JAG1: variants seen among roughly 807,000 people sequenced by gnomAD.
JAG1 encodes jagged canonical Notch ligand 1, also known as protein jagged-1.
Under a neutral mutation model 148.7 loss-of-function variants are expected in JAG1, and 23 were observed. The observed-to-expected ratio is 0.15, with a 90% CI of 0.11 to 0.22. JAG1 has a LOEUF of 0.22. Ranked by LOEUF, JAG1 falls within the 10% of genes least tolerant of loss-of-function variation. The pLI is 1.00. For missense variants in JAG1, 1,054 were observed against 1,611.2 expected (o/e 0.65, Z 5.92); for synonymous variants, 572 against 598.3 (o/e 0.96, Z 0.64).
In JAG1 at chr20:10,673,164, G is replaced by A; in HGVS notation, c.82-158C>T. The stretch of plus-strand genomic sequence containing the variant: ...GTTCAAGGACTCAACATGATTCCGG[G>A]GCAAAAAAAAAAAAAAATGCACGAG... On this transcript the variant is annotated intron_variant, in intron 1 of 25. Coordinates refer to ENST00000254958, the MANE Select transcript of JAG1 (RefSeq NM_000214.3). This position sits in a 1 kb window ranked among gnomAD's most constrained non-coding sequence, Gnocchi z 4.7. 1.6e-6 allele frequency: 1 copy of A among 619,814 alleles called. No homozygotes were observed. Among genetic ancestry groups the A allele is most frequent in the Admixed American group, 3.4e-5 (1 of 29,718 alleles). 38.4% of individuals were successfully genotyped at this position (619,814 alleles called of 1,614,324 possible).
intron 11 of JAG1, 44 bp from the exon 12 acceptor site, chr20:10,648,766 A>G (rs759607606): frequency 1.9e-6 from 3 of 1,581,074 alleles, no homozygotes; most frequent in Non-Finnish European, 2.6e-6. Flanking sequence ...CTTTTTTTCT[A>G]TGTATTCCAC....
chr20:10,640,032 C>T (rs1736185594), intron 25 of JAG1, 77 bp from the exon 26 acceptor site: 1 of 1,164,114 alleles, frequency 8.6e-7, no homozygotes, highest in Non-Finnish European at 1.3e-6. Flanking sequence ...AAAAGAATAC[C>T]AACAGTGGTT....
At position 10,645,047 on chromosome 20, in the gene JAG1, C is replaced by T. The variant is rs371437476; in HGVS notation, c.2228-68G>A. ...AGAAACAGTCTGGAGGGGCAAGAAC[C>T]AGGCCCAGAGAAATATCATAAGCTC... On this transcript the variant is annotated intron_variant, in intron 17 of 25. Coordinates refer to ENST00000254958, the MANE Select transcript of JAG1 (RefSeq NM_000214.3). This position sits in a 1 kb window ranked among gnomAD's most constrained non-coding sequence, Gnocchi z 6.1. The T allele has an allele frequency of 3.3e-4, 498 of 1,526,912 alleles. 2 individuals carry two copies. Among genetic ancestry groups the T allele is most frequent in the Middle Eastern group, 2.5e-3 (15 of 5,910 alleles). The allele number at this position is 1,526,912 out of a possible 1,614,324, so 94.6% of individuals were successfully genotyped here.
At chr20:10,659,961 C>T (rs2067405271) in intron 3 of JAG1, among the ~76,000 whole-genome samples, 2 of 152,136 alleles carry the variant, frequency 1.3e-5, no homozygotes, top group Admixed American at 6.5e-5. Flanking sequence ...AAATCAGCAC[C>T]CCAACCTGGT....
chr20:10,646,895 C>A, intron 14 of JAG1, 44 bp downstream of exon 14: 2 of 1,593,074 alleles, frequency 1.3e-6, no homozygotes, highest in Non-Finnish European at 1.7e-6. Flanking sequence ...GGGGCAGGGG[C>A]AGGCTGGGGA....
At chr20:10,650,069 C>G (rs1165954534) in intron 9 of JAG1, among the ~76,000 whole-genome samples, 178 bp downstream of exon 9, 1 of 152,238 alleles carries the variant, frequency 6.6e-6, no homozygotes, top group East Asian at 1.9e-4. Context: ...CCTAAAAGAG[C>G]TAGTCCATTT....
Position 10,639,251 on chromosome 20 carries a change from G to T in JAG1, c.*247C>A. On this transcript the variant is annotated 3_prime_UTR_variant, in exon 26 of 26. Transcript: ENST00000254958. The stretch of plus-strand genomic sequence containing the variant: ...GCTCCTGGGAGCCTGATCCGAGACC[G>T]TGTCGGCTGCAAGGGGACACACAAC... 1 of 541,602 alleles carries T rather than the reference G, an allele frequency of 1.8e-6. No individual in the cohort carries two copies. The highest frequency in any genetic ancestry group is 1.9e-5 in the South Asian group (1 of 52,244). The allele number at this position is 541,602 out of a possible 1,614,324, so 33.5% of individuals were successfully genotyped here.
intron 13 of JAG1, chr20:10,647,432 T>C (rs1490495436): frequency 4.6e-6 from 2 of 431,880 alleles, no homozygotes; most frequent in East Asian, 1.0e-4. Flanking sequence ...ATTTACTTCC[T>C]TTTTGATCTT....
Position 10,645,605 on chromosome 20 carries a change from A to G in JAG1, c.2000-136T>C. 1 of 766,342 alleles carries G rather than the reference A, an allele frequency of 1.3e-6. No individual in the cohort carries two copies. The highest frequency in any genetic ancestry group is 2.3e-6 in the Non-Finnish European group (1 of 443,602). 47.5% of individuals were successfully genotyped at this position (766,342 alleles called of 1,614,324 possible). A position where few individuals can be genotyped will look rare whatever the true frequency, so the allele number is the denominator to read the frequency against. ...GCCACAGTCGTAGTACTTTAACACAATCAGGCTTTTCCAGGAATAAAGGAG... is the reference window on the plus strand; with the variant it reads ...GCCACAGTCGTAGTACTTTAACACAGTCAGGCTTTTCCAGGAATAAAGGAG... On this transcript the variant is annotated intron_variant, in intron 15 of 25. Transcript: ENST00000254958. The surrounding 1 kb of genome is among the most constrained non-coding windows in gnomAD (Gnocchi z 6.1).
chr20:10,644,506 A>T, intron 18 of JAG1, 122 bp from the exon 19 acceptor site: 1 of 793,782 alleles, frequency 1.3e-6, no homozygotes, highest in Non-Finnish European at 2.2e-6. Context: ...ACACCAGCAA[A>T]ATACCTTTGC....
chr20:10,648,855 A>G (rs2067326441), intron 11 of JAG1, 133 bp from the exon 12 acceptor site: 2 of 1,005,722 alleles, frequency 2.0e-6, no homozygotes, highest in African/African-American at 3.2e-5. Flanking sequence ...TAAACCTCTG[A>G]AAGTGGTTAG....
Position 10,657,285 on chromosome 20 carries a change from A to G in JAG1, c.695-827T>C, listed in dbSNP as rs557022077. ...TGAGGCAGGAGGATCACTTGAACCC[A>G]GGAGTTCAAGGCTCCAGTGAGCCAT... On this transcript the variant is annotated intron_variant, in intron 4 of 25. Transcript: ENST00000254958. 4.6e-5 allele frequency among the ~76,000 whole-genome samples: 7 copies of G among 151,708 alleles called. No homozygotes were observed. The South Asian group carries it at 1.3e-3, about 27-fold the overall frequency.
chr20:10,650,284 C>T lies in JAG1; in HGVS notation c.1197G>A (p.Val399=), dbSNP rs775801187. The change falls in exon 9 of 26, where the codon GTG becomes GTA. Residue 399 remains valine, a synonymous_variant. Coordinates refer to ENST00000254958, the MANE Select transcript of JAG1 (RefSeq NM_000214.3). ...TTTTCCCAGTCCACTGTGGGGGGCA[C>T]ACACACTTAAATCCGTTAACCAGGT... The part of the protein sequence containing the change: ...CQDLVNGFKC[V]CPPQWTGKTC... The T allele has an allele frequency of 6.2e-7, 1 of 1,614,030 alleles. No individual in the cohort carries two copies. Among genetic ancestry groups the T allele is most frequent in the South Asian group, 1.1e-5 (1 of 91,038 alleles).
chr20:10,662,227 GGATTT>G (rs1331786940), intron 3 of JAG1: 4 of 152,052 alleles, frequency 2.6e-5, no homozygotes, highest in Non-Finnish European at 5.9e-5. Context: ...CCTCTTCCAG[GGATTT>G]GATTACCCCC....
chr20:10,644,670 G>C (rs540408295), intron 18 of JAG1, 193 bp downstream of exon 18: 2 of 650,562 alleles, frequency 3.1e-6, no homozygotes, highest in African/African-American at 3.6e-5. Flanking sequence ...GACGCCATCT[G>C]TCTCCACTTA....
chr20:10,671,885 AG>A (rs1261597625), intron 2 of JAG1, among the ~76,000 whole-genome samples: 4 of 151,882 alleles, frequency 2.6e-5, no homozygotes, highest in African/African-American at 4.8e-5. Context: ...TTACACCCTC[AG>A]GCACTACCTC....
At chr20:10,662,767 C>T (rs780532099) in intron 3 of JAG1, among the ~76,000 whole-genome samples, 2 of 152,172 alleles carry the variant, frequency 1.3e-5, no homozygotes, top group Non-Finnish European at 2.9e-5. Context: ...CACGGCATTA[C>T]AGGGTAGCCC....
intron 3 of JAG1, among the ~76,000 whole-genome samples, chr20:10,660,043 G>T (rs2067405597): frequency 6.6e-6 from 1 of 152,202 alleles, no homozygotes; most frequent in African/African-American, 2.4e-5. Context: ...CCATCTTGGA[G>T]AGACAGTTAG....
rs1390583066 is a variant in JAG1, at chr20:10,653,459, C to T, written c.756-861G>A. 2.7e-5 allele frequency among the ~76,000 whole-genome samples: 4 copies of T among 150,768 alleles called. No homozygotes were observed. In the Admixed American group the frequency reaches 2.7e-4, roughly 10 times the overall value. ...TGGGAGAGGGGGCAGCGTCTCAAACCACTCTCCCTTGAATTTTCAAGCCCT... is the reference window on the plus strand; with the variant it reads ...TGGGAGAGGGGGCAGCGTCTCAAACTACTCTCCCTTGAATTTTCAAGCCCT... On this transcript the variant is annotated intron_variant, in intron 5 of 25. Coordinates refer to ENST00000254958, the MANE Select transcript of JAG1 (RefSeq NM_000214.3).
Sources: allele counts gnomAD v4.1 joint callset (sites outside exome capture counted in the v4.1 genomes callset), GRCh38; gene constraint gnomAD v4.1.1; non-coding constraint Gnocchi (gnomAD v3.1); transcripts MANE v1.5; gene names NCBI Gene and HGNC (gene_info 2026-07-23, HGNC 2026-07-21).